ANXA8: variants seen among roughly 807,000 people sequenced by gnomAD.
The protein encoded by ANXA8 is annexin A8, also known as VAC-beta.
Under a neutral mutation model 26.8 loss-of-function variants are expected in ANXA8, and 9 were observed. The ratio of observed to expected loss-of-function variants is 0.34; its 90% CI spans 0.20 to 0.59. ANXA8 has a LOEUF of 0.59. ANXA8 is among the 20% of genes least tolerant of loss of function. The pLI, the probability that ANXA8 is intolerant of heterozygous loss-of-function variation, is 0.84. For missense variants in ANXA8, 83 were observed against 238.5 expected (o/e 0.35, Z 4.29); for synonymous variants, 39 against 94.8 (o/e 0.41, Z 3.42).
At chr10:47,681,541 T>TTC in the ANXA8 span, among the ~76,000 whole-genome samples, 1 of 133,596 alleles carries the variant, frequency 7.5e-6, no homozygotes, top group East Asian at 2.4e-4. Flanking sequence ...TTTTTTTTTT[T>TTC]TTTTTTTAGA....
the ANXA8 span, among the ~76,000 whole-genome samples, chr10:47,552,310 G>GA: frequency 6.6e-5 from 10 of 151,278 alleles, no homozygotes; most frequent in African/African-American, 1.9e-4. Context: ...CAGAGAAACT[G>GA]AAAAAATGAA....
At chr10:47,650,726 A>G in the ANXA8 span, among the ~76,000 whole-genome samples, 12 of 145,492 alleles carry the variant, frequency 8.2e-5, no homozygotes, top group Middle Eastern at 3.5e-3. Context: ...AGAATGGTTT[A>G]AACCCAGGAG....
the ANXA8 span, among the ~76,000 whole-genome samples, chr10:47,672,045 G>A: frequency 6.6e-6 from 1 of 150,872 alleles, no homozygotes; most frequent in East Asian, 1.9e-4. Context: ...ACTTATTTCT[G>A]TTCTCCTTCT....
At chr10:47,720,433 AGTT>A in the ANXA8 span, among the ~76,000 whole-genome samples, 2 of 146,934 alleles carry the variant, frequency 1.4e-5, no homozygotes, top group Non-Finnish European at 3.0e-5. Context: ...GTCACCTCTG[AGTT>A]GTTGTGGAAG....
chr10:47,682,469 C>CTTTTTTTT, the ANXA8 span, among the ~76,000 whole-genome samples: 6 of 121,648 alleles, frequency 4.9e-5, no homozygotes, highest in African/African-American at 1.0e-4. Context: ...CTTTCTTTTT[C>CTTTTTTTT]TTTTTTTTTT....
the ANXA8 span, among the ~76,000 whole-genome samples, chr10:47,699,364 A>G: frequency 1.6e-4 from 24 of 148,174 alleles, no homozygotes; most frequent in East Asian, 3.3e-3. Flanking sequence ...AAAAAAAAAA[A>G]AAAGAAAGAA....
At chr10:47,581,656 G>A in the ANXA8 span, 1 of 382,746 alleles carries the variant, frequency 2.6e-6, no homozygotes, top group African/African-American at 2.2e-5. Context: ...ACCCAGGCTG[G>A]AGTGCAGTGG....
chr10:47,666,941 T>C, the ANXA8 span, among the ~76,000 whole-genome samples: 3 of 152,080 alleles, frequency 2.0e-5, no homozygotes, highest in Non-Finnish European at 2.9e-5. Flanking sequence ...TGATTTGCTG[T>C]GTCCTTGTGA....
chr10:47,733,210 T>TC, the ANXA8 span, among the ~76,000 whole-genome samples: 37 of 75,678 alleles, frequency 4.9e-4, no homozygotes, highest in South Asian at 9.6e-4. Context: ...TCTTTCTTTC[T>TC]TTCTTTCTTT....
At chr10:47,595,395 A>G in the ANXA8 span, among the ~76,000 whole-genome samples, 1 of 147,496 alleles carries the variant, frequency 6.8e-6, no homozygotes, top group Non-Finnish European at 1.5e-5. Context: ...TGACAGGAAC[A>G]CAATCTCACA....
the ANXA8 span, among the ~76,000 whole-genome samples, chr10:47,501,540 T>G: frequency 2.2e-5 from 3 of 135,772 alleles, no homozygotes; most frequent in African/African-American, 8.1e-5. Context: ...AAACCACGTC[T>G]CTACTAAAAA....
the ANXA8 span, among the ~76,000 whole-genome samples, chr10:47,914,861 CTTAAAG>C: frequency 6.6e-6 from 1 of 150,512 alleles, no homozygotes; most frequent in African/African-American, 2.4e-5. Context: ...GTTTTGGTCT[CTTAAAG>C]TTATTTTCTA....
At chr10:47,724,877 C>T in the ANXA8 span, among the ~76,000 whole-genome samples, 1 of 137,556 alleles carries the variant, frequency 7.3e-6, no homozygotes, top group African/African-American at 2.7e-5. Context: ...TACGAATCTG[C>T]TTTCTGTCTC....
At chr10:47,497,600 C>T in the ANXA8 span, among the ~76,000 whole-genome samples, 451 of 125,950 alleles carry the variant, frequency 3.6e-3, no homozygotes, top group African/African-American at 0.012. Flanking sequence ...GCCTGGCCAA[C>T]AAAAGCAAAC....
the ANXA8 span, among the ~76,000 whole-genome samples, chr10:47,743,277 T>TATATATATACATATATATATATAC: frequency 2.2e-5 from 2 of 92,266 alleles, no homozygotes; most frequent in Admixed American, 2.7e-4. Flanking sequence ...TATATATATA[T>TATATATATACATATATATATATAC]ACACACATAT....
the ANXA8 span, among the ~76,000 whole-genome samples, chr10:47,618,092 G>A: frequency 9.1e-6 from 1 of 110,032 alleles, no homozygotes; most frequent in Non-Finnish European, 2.0e-5. Flanking sequence ...GCCAGATGTG[G>A]CAGAAAGTTG....
chr10:47,942,899 T>C, the ANXA8 span, among the ~76,000 whole-genome samples: 12 of 142,726 alleles, frequency 8.4e-5, 1 homozygote, highest in African/African-American at 2.8e-4. Context: ...TCCTTCCCTA[T>C]GACATGCACT....
At chr10:47,485,590 T>C (rs1710464642), upstream of ANXA8, among the ~76,000 whole-genome samples, 3 of 151,998 alleles carry the variant, frequency 2.0e-5, no homozygotes, top group Admixed American at 2.0e-4. Context: ...ACACCTTTTT[T>C]TCTCATTTCT....
the ANXA8 span, among the ~76,000 whole-genome samples, chr10:47,708,704 GGT>G: frequency 6.6e-6 from 1 of 151,954 alleles, no homozygotes; most frequent in Non-Finnish European, 1.5e-5. Flanking sequence ...TTTATAGTGA[GGT>G]GTTACATGTT....
Sources: gnomAD v4.1 joint callset for allele counts (sites outside exome capture counted in the v4.1 genomes callset) on GRCh38, gnomAD v4.1.1 for gene constraint, MANE v1.5 for transcripts, NCBI Gene and HGNC (gene_info 2026-07-23, HGNC 2026-07-21) for gene names.